Variants in DGKB observed in about 807,000 individuals in gnomAD.
DGKB encodes the protein 90 kDa diacylglycerol kinase.
In DGKB, 67 loss-of-function variants were observed where a neutral mutation model predicts 114.3. The ratio of observed to expected loss-of-function variants is 0.59; its 90% CI spans 0.48 to 0.72. The LOEUF is 0.72. Ranked by LOEUF, DGKB falls within the 30% of genes least tolerant of loss-of-function variation. DGKB has a pLI of 0.00. For missense variants in DGKB, 907 were observed against 975.2 expected, an observed-to-expected ratio of 0.93 and a Z score of 0.93; for synonymous variants, 398 against 323.1, an observed-to-expected ratio of 1.23 and a Z score of -2.49.
intron 2 of DGKB, among the ~76,000 whole-genome samples, chr7:14,761,578 C>T (rs1473809189): frequency 1.3e-5 from 2 of 152,150 alleles, no homozygotes; most frequent in African/African-American, 2.4e-5. Context: ...CTAGGCCTGA[C>T]CTGCCTTCTA....
At chr7:14,609,990 CT>C (rs1805228572) in intron 16 of DGKB, among the ~76,000 whole-genome samples, 1 of 151,978 alleles carries the variant, frequency 6.6e-6, no homozygotes, top group South Asian at 2.1e-4. Flanking sequence ...TCAAACAGAT[CT>C]ACCATTCAAC....
intron 1 of DGKB, among the ~76,000 whole-genome samples, chr7:14,854,014 A>T (rs1396452469): frequency 1.3e-5 from 2 of 152,010 alleles, no homozygotes; most frequent in African/African-American, 4.8e-5. Context: ...TGCCTGACTC[A>T]TTAGCAGTAA....
intron 25 of DGKB, among the ~76,000 whole-genome samples, chr7:14,173,256 G>T (rs1781270283): frequency 6.6e-6 from 1 of 152,056 alleles, no homozygotes; most frequent in Non-Finnish European, 1.5e-5. Flanking sequence ...TTCTTTTCCT[G>T]ATCTTTGAAC....
chr7:14,501,334 A>G (rs1479140371), intron 20 of DGKB, among the ~76,000 whole-genome samples: 1 of 151,928 alleles, frequency 6.6e-6, no homozygotes, highest in Non-Finnish European at 1.5e-5. Context: ...AGTTAAAGAA[A>G]TATCATCAGG....
chr7:14,189,720 T>C (rs979763590), intron 23 of DGKB, among the ~76,000 whole-genome samples: 1 of 152,188 alleles, frequency 6.6e-6, no homozygotes, highest in East Asian at 1.9e-4. Context: ...AGATATTCCG[T>C]GCAAACAAAA....
At chr7:14,498,386 T>C (rs1326750557) in intron 20 of DGKB, among the ~76,000 whole-genome samples, 1 of 151,800 alleles carries the variant, frequency 6.6e-6, no homozygotes. Flanking sequence ...ATCATAATGA[T>C]ACAAATTTAA....
chr7:14,659,258 T>C (rs918761281), intron 13 of DGKB, among the ~76,000 whole-genome samples: 2 of 152,102 alleles, frequency 1.3e-5, no homozygotes, highest in African/African-American at 4.8e-5. Flanking sequence ...TCACATCCTA[T>C]CATTTCCTGC....
intron 6 of DGKB, among the ~76,000 whole-genome samples, chr7:14,706,466 C>T (rs1308864940): frequency 6.6e-6 from 1 of 150,700 alleles, no homozygotes; most frequent in East Asian, 2.0e-4. Flanking sequence ...CCAAGAGGAC[C>T]TAATACACAT....
At chr7:14,297,425 A>C (rs1802774248) in intron 23 of DGKB, among the ~76,000 whole-genome samples, 1 of 152,222 alleles carries the variant, frequency 6.6e-6, no homozygotes, top group Non-Finnish European at 1.5e-5. Context: ...AACGTAAACC[A>C]TCACATAAAC....
chr7:14,580,989 A>C (rs774240384), intron 18 of DGKB, 38 bp from the exon 19 acceptor site: 2 of 1,461,552 alleles, frequency 1.4e-6, no homozygotes, highest in African/African-American at 1.4e-5. Context: ...AGAAAATTTT[A>C]AGTTCAGATA....
chr7:14,219,526 C>T (rs920240324), intron 23 of DGKB, among the ~76,000 whole-genome samples: 1 of 151,674 alleles, frequency 6.6e-6, no homozygotes, highest in African/African-American at 2.4e-5. Flanking sequence ...ATGTTGAGCA[C>T]CTTTGCATGT....
chr7:14,285,011 T>G (rs1479892648), intron 23 of DGKB, among the ~76,000 whole-genome samples: 3 of 125,052 alleles, frequency 2.4e-5, no homozygotes, highest in Non-Finnish European at 3.4e-5. Context: ...TAAAGTATAA[T>G]AATAAAAAAA....
intron 1 of DGKB, among the ~76,000 whole-genome samples, chr7:14,953,626 A>G (rs1786333240): frequency 6.6e-6 from 1 of 152,120 alleles, no homozygotes; most frequent in African/African-American, 2.4e-5. Flanking sequence ...CCACACTGGA[A>G]AACATTTTGG....
intron 16 of DGKB, 71 bp downstream of exon 16, chr7:14,613,269 T>G: frequency 2.3e-6 from 2 of 887,730 alleles, no homozygotes; most frequent in Non-Finnish European, 3.5e-6. Context: ...TTTAAGCATT[T>G]TTACATCATA....
chr7:14,760,728 T>C (rs1835561877), intron 2 of DGKB, among the ~76,000 whole-genome samples: 2 of 152,132 alleles, frequency 1.3e-5, no homozygotes, highest in African/African-American at 4.8e-5. Context: ...TTTTGGTTTC[T>C]CCCACATAGG....
At chr7:14,298,325 C>T (rs1016551646) in intron 23 of DGKB, among the ~76,000 whole-genome samples, 1 of 152,174 alleles carries the variant, frequency 6.6e-6, no homozygotes, top group South Asian at 2.1e-4. Flanking sequence ...GCTACATTAA[C>T]CAAAACAGCA....
chr7:14,180,127 C>T (rs1342402613), intron 23 of DGKB, among the ~76,000 whole-genome samples: 2 of 152,134 alleles, frequency 1.3e-5, no homozygotes, highest in African/African-American at 2.4e-5. Context: ...ACTACCACCA[C>T]GATGATCACC....
At chr7:14,867,861 C>G (rs1484072742) in intron 1 of DGKB, among the ~76,000 whole-genome samples, 1 of 152,042 alleles carries the variant, frequency 6.6e-6, no homozygotes, top group Non-Finnish European at 1.5e-5. Flanking sequence ...AGGTATCTGC[C>G]AAAACAATCA....
At chr7:14,508,707 T>C (rs959650152) in intron 20 of DGKB, among the ~76,000 whole-genome samples, 19 of 152,150 alleles carry the variant, frequency 1.2e-4, no homozygotes, top group Non-Finnish European at 2.4e-4. Flanking sequence ...ACTGAACTTC[T>C]AGAGGTAAGG....
Sources: allele counts gnomAD v4.1 joint callset (sites outside exome capture counted in the v4.1 genomes callset), GRCh38; gene constraint gnomAD v4.1.1; transcripts MANE v1.5; gene names NCBI Gene and HGNC (gene_info 2026-07-23, HGNC 2026-07-21).